SLCO1A2: variants seen among roughly 807,000 people sequenced by gnomAD.
SLCO1A2 encodes OATP-1.
A neutral mutation model predicts 69.0 loss-of-function variants in SLCO1A2; 67 were observed. The observed-to-expected ratio is 0.97, with a 90% CI of 0.80 to 1.19. The LOEUF (loss-of-function observed/expected upper bound fraction) is 1.19, where lower values mean the gene tolerates loss of function less well. Among genes scored for constraint, SLCO1A2 ranks in the 50% most tolerant of loss-of-function variants. The probability of loss-of-function intolerance (pLI) is 0.00; values close to 1 mark genes in which losing one functional copy is unlikely to be tolerated. For synonymous variants in SLCO1A2, 260 were observed against 265.9 expected (o/e 0.98, Z 0.22); for missense variants, 787 against 793.7 (o/e 0.99, Z 0.10).
At chr12:21,297,794 G>A (rs1947958137) in intron 8 of SLCO1A2, among the ~76,000 whole-genome samples, 1 of 152,166 alleles carries the variant, frequency 6.6e-6, no homozygotes, top group African/African-American at 2.4e-5. Flanking sequence ...GAACACAACA[G>A]TTTTGCCCTC....
intron 1 of SLCO1A2, among the ~76,000 whole-genome samples, chr12:21,413,636 A>G (rs1001380205): frequency 3.3e-5 from 5 of 152,120 alleles, no homozygotes; most frequent in Non-Finnish European, 5.9e-5. Flanking sequence ...GCAAATAGTT[A>G]AACCTAGGGA....
chr12:21,314,217 A>G (rs949938412), intron 4 of SLCO1A2, among the ~76,000 whole-genome samples: 1 of 152,202 alleles, frequency 6.6e-6, no homozygotes, highest in African/African-American at 2.4e-5. Flanking sequence ...TCTGCAATTA[A>G]GCAGAATCTC....
At chr12:21,310,815 GGATGGTCTT>G (rs2136615582) in intron 4 of SLCO1A2, among the ~76,000 whole-genome samples, 1 of 152,260 alleles carries the variant, frequency 6.6e-6, no homozygotes, top group African/African-American at 2.4e-5. Flanking sequence ...GTGTTAGCCA[GGATGGTCTT>G]GATCTCCTGA....
chr12:21,355,413 T>C (rs1591874333), intron 2 of SLCO1A2, among the ~76,000 whole-genome samples: 2 of 152,042 alleles, frequency 1.3e-5, no homozygotes, highest in South Asian at 2.1e-4. Flanking sequence ...TGTGAGGGGG[T>C]AGGCAATGAG....
At chr12:21,411,717 C>T (rs921918182) in intron 1 of SLCO1A2, among the ~76,000 whole-genome samples, 5 of 151,858 alleles carry the variant, frequency 3.3e-5, no homozygotes, top group East Asian at 1.9e-4. Flanking sequence ...AGGTTTCACT[C>T]CATTGCCCAG....
intron 12 of SLCO1A2, among the ~76,000 whole-genome samples, chr12:21,288,011 T>TAAA (rs59000175): frequency 9.7e-5 from 10 of 102,862 alleles, no homozygotes; most frequent in South Asian, 2.9e-4. Flanking sequence ...TAAAGTATAA[T>TAAA]AAAAAAAAAA....
At chr12:21,307,846 C>T (rs1026683054) in intron 4 of SLCO1A2, among the ~76,000 whole-genome samples, 2 of 152,150 alleles carry the variant, frequency 1.3e-5, no homozygotes, top group Admixed American at 1.3e-4. Flanking sequence ...GTCTTAATTT[C>T]TGTGCTATAG....
intron 2 of SLCO1A2, among the ~76,000 whole-genome samples, chr12:21,359,753 A>G (rs1938674366): frequency 6.6e-6 from 1 of 152,012 alleles, no homozygotes; most frequent in Non-Finnish European, 1.5e-5. Context: ...TCTTAAAAAA[A>G]AAAAAAAAAT....
chr12:21,299,561 G>GT (rs928303052), intron 8 of SLCO1A2, among the ~76,000 whole-genome samples: 93 of 143,278 alleles, frequency 6.5e-4, no homozygotes, highest in African/African-American at 1.2e-3. Flanking sequence ...CACCGATCAT[G>GT]TTTTTTTTTT....
At chr12:21,293,088 A>G (rs1175941000) in intron 11 of SLCO1A2, among the ~76,000 whole-genome samples, 1 of 151,834 alleles carries the variant, frequency 6.6e-6, no homozygotes, top group East Asian at 2.0e-4. Flanking sequence ...GCGGATCACA[A>G]GGTCAGGAGT....
At chr12:21,295,089 T>G (rs948702860) in intron 10 of SLCO1A2, 1 of 152,174 alleles carries the variant, frequency 6.6e-6, no homozygotes, top group African/African-American at 2.4e-5. Context: ...TATGAAATGA[T>G]TCAATATTTT....
intron 2 of SLCO1A2, among the ~76,000 whole-genome samples, chr12:21,326,973 C>A (rs1021291931): frequency 1.3e-5 from 2 of 152,148 alleles, no homozygotes; most frequent in Non-Finnish European, 2.9e-5. Flanking sequence ...ATCACCCAGA[C>A]AATGGGGAAA....
chr12:21,387,648 T>G (rs571923597), intron 1 of SLCO1A2, among the ~76,000 whole-genome samples: 17 of 152,168 alleles, frequency 1.1e-4, no homozygotes, highest in Non-Finnish European at 2.4e-4. Context: ...AGAGGTTTGT[T>G]GTAAGGGCAG....
intron 12 of SLCO1A2, among the ~76,000 whole-genome samples, chr12:21,282,119 GA>G (rs377032786): frequency 0.22 from 25,128 of 116,704 alleles, 2,656 homozygotes; most frequent in African/African-American, 0.35. Context: ...AGACACATAA[GA>G]AAAAAAAAAA....
intron 2 of SLCO1A2, among the ~76,000 whole-genome samples, chr12:21,363,115 C>T (rs1484500136): frequency 1.3e-5 from 2 of 152,238 alleles, no homozygotes; most frequent in African/African-American, 4.8e-5. Context: ...ACACATCACA[C>T]TTATTCCAAA....
At chr12:21,356,073 T>C (rs983431177) in intron 2 of SLCO1A2, among the ~76,000 whole-genome samples, 5 of 152,120 alleles carry the variant, frequency 3.3e-5, no homozygotes, top group South Asian at 2.1e-4. Flanking sequence ...AATGTAGTGA[T>C]AGAGAAAAAA....
chr12:21,347,697 G>A lies in SLCO1A2; in HGVS notation c.-62-12988C>T, dbSNP rs11045989. Among the ~76,000 whole-genome samples the A allele has an allele frequency of 7.3e-4, 86 of 117,830 alleles. 1 individual carries two copies. Among genetic ancestry groups the A allele is most frequent in the South Asian group, 4.0e-3 (17 of 4,254 alleles). 77.3% of individuals were successfully genotyped at this position (117,830 alleles called of 152,430 possible). A position where few individuals can be genotyped will look rare whatever the true frequency, so the allele number is the denominator to read the frequency against. ...GGAAGGAAGGAAGGAAGGAAGGAAG[G>A]AAGAAGGAAAAAAGGAAGGAAGAGG... On this transcript the variant is annotated intron_variant, in intron 2 of 15. Coordinates refer to the SLCO1A2 transcript ENST00000307378.
At chr12:21,321,368 T>G (rs1951599550) in intron 2 of SLCO1A2, among the ~76,000 whole-genome samples, 1 of 152,198 alleles carries the variant, frequency 6.6e-6, no homozygotes, top group Non-Finnish European at 1.5e-5. Context: ...ATGAACAGTT[T>G]AGCTCAGACA....
intron 1 of SLCO1A2, among the ~76,000 whole-genome samples, chr12:21,377,432 C>T (rs1480180157): frequency 6.6e-6 from 1 of 152,036 alleles, no homozygotes; most frequent in African/African-American, 2.4e-5. Flanking sequence ...ATGATATCTA[C>T]CCTTTTAACA....
Sources: allele counts gnomAD v4.1 joint callset (sites outside exome capture counted in the v4.1 genomes callset), GRCh38; gene constraint gnomAD v4.1.1; transcripts MANE v1.5; gene names NCBI Gene and HGNC (gene_info 2026-07-23, HGNC 2026-07-21).